Variants in RFTN2 observed in about 807,000 individuals in gnomAD.
RFTN2 encodes the protein raftlin family member 2.
RFTN2 carries 34 observed loss-of-function variants against 52.7 expected under a neutral mutation model. The ratio of observed to expected loss-of-function variants is 0.64; its 90% CI spans 0.49 to 0.86. The LOEUF (loss-of-function observed/expected upper bound fraction) is 0.86, where lower values mean the gene tolerates loss of function less well. RFTN2 is among the 40% of genes least tolerant of loss of function. RFTN2 has a pLI of 0.00. For synonymous variants in RFTN2, 203 were observed against 217.7 expected (o/e 0.93, Z 0.59); for missense variants, 536 against 600.1 (o/e 0.89, Z 1.12).
intron 8 of RFTN2, among the ~76,000 whole-genome samples, chr2:197,578,869 C>T (rs183103595): frequency 1.4e-3 from 208 of 152,308 alleles, no homozygotes; most frequent in South Asian, 2.7e-3. Flanking sequence ...CCATCTACAA[C>T]CTTGGGTCCT....
intron 5 of RFTN2, among the ~76,000 whole-genome samples, chr2:197,627,606 A>C (rs1231604839): frequency 6.6e-6 from 1 of 152,220 alleles, no homozygotes; most frequent in African/African-American, 2.4e-5. Flanking sequence ...TAACAAGTGA[A>C]GTCTGAAAAG....
chr2:197,656,272 C>T (rs533170384), intron 1 of RFTN2, among the ~76,000 whole-genome samples: 59 of 152,278 alleles, frequency 3.9e-4, no homozygotes, highest in African/African-American at 1.3e-3. Context: ...AAGTGCTCTA[C>T]AACCATTGGT....
intron 3 of RFTN2, 30 bp from the exon 4 acceptor site, chr2:197,634,027 A>G (rs1175050637): frequency 1.9e-6 from 3 of 1,561,528 alleles, no homozygotes; most frequent in Non-Finnish European, 2.6e-6. Context: ...GGCAGAACAA[A>G]ATGTAAACTC....
intron 5 of RFTN2, among the ~76,000 whole-genome samples, chr2:197,620,914 C>T (rs1430745165): frequency 7.2e-5 from 11 of 152,104 alleles, no homozygotes; most frequent in African/African-American, 2.2e-4. Flanking sequence ...TGCGGTGAGC[C>T]GAGATCGTGC....
Position 197,620,438 on chromosome 2 carries a change from A to G in RFTN2, c.929-2517T>C, listed in dbSNP as rs541070963. 4.9e-4 allele frequency among the ~76,000 whole-genome samples: 75 copies of G among 152,324 alleles called. 1 individual carries two copies. In the South Asian group the frequency reaches 0.012, roughly 24 times the overall value. On this transcript the variant is annotated intron_variant, in intron 5 of 8. Coordinates refer to ENST00000295049, the MANE Select transcript of RFTN2 (RefSeq NM_144629.3). ...CGGTTTTTGTGTAGCACAATGTCAC[A>G]TTAAAGTTTCCCTGGTTGACAGCTC...
At position 197,569,902 on chromosome 2, in the gene RFTN2, C is replaced by A. The variant is rs922186379; in HGVS notation, c.*2106G>T. On this transcript the variant is annotated 3_prime_UTR_variant, in exon 9 of 9. Transcript: ENST00000295049. ...AGGTTGCAGTAAGCCGAGATTGCAGCCTGGGTGACAGAGTGAGGCTCTGTC... is the reference window on the plus strand; with the variant it reads ...AGGTTGCAGTAAGCCGAGATTGCAGACTGGGTGACAGAGTGAGGCTCTGTC... 2.8e-5 allele frequency: 4 copies of A among 141,896 alleles called. No homozygotes were observed. Among genetic ancestry groups the A allele is most frequent in the Non-Finnish European group, 6.0e-5 (4 of 66,804 alleles). The allele number at this position is 141,896 out of a possible 1,614,324, so 8.8% of individuals were successfully genotyped here.
At chr2:197,645,606 A>G (rs1310296116) in intron 2 of RFTN2, among the ~76,000 whole-genome samples, 1 of 152,242 alleles carries the variant, frequency 6.6e-6, no homozygotes, top group Non-Finnish European at 1.5e-5. Context: ...TATTGTTTGG[A>G]AAAGTAGCTA....
chr2:197,599,038 G>A (rs2106191024), intron 7 of RFTN2, among the ~76,000 whole-genome samples: 1 of 151,354 alleles, frequency 6.6e-6, no homozygotes. Context: ...TGCAAGCTCC[G>A]CCTCCCGGGT....
At chr2:197,632,729 C>G (rs1346446556) in intron 4 of RFTN2, among the ~76,000 whole-genome samples, 1 of 152,122 alleles carries the variant, frequency 6.6e-6, no homozygotes, top group Non-Finnish European at 1.5e-5. Flanking sequence ...TTGGTAAATG[C>G]TCCCAGTTAT....
chr2:197,672,270 A>G (rs2089157204), intron 1 of RFTN2, among the ~76,000 whole-genome samples: 1 of 152,210 alleles, frequency 6.6e-6, no homozygotes, highest in Non-Finnish European at 1.5e-5. Context: ...TATTTCTTTT[A>G]TAGTACCTAA....
intron 5 of RFTN2, among the ~76,000 whole-genome samples, chr2:197,626,037 C>A (rs1164176474): frequency 1.3e-5 from 2 of 152,154 alleles, no homozygotes; most frequent in Non-Finnish European, 2.9e-5. Flanking sequence ...GATCCACCTG[C>A]CTTGGCCTCC....
intron 1 of RFTN2, among the ~76,000 whole-genome samples, chr2:197,648,677 T>C (rs1307255880): frequency 1.3e-5 from 2 of 152,216 alleles, no homozygotes; most frequent in Admixed American, 6.5e-5. Context: ...AATGTCTTAG[T>C]GTAATACAAA....
At chr2:197,573,143 A>C (rs1198031040) in intron 8 of RFTN2, among the ~76,000 whole-genome samples, 1 of 152,078 alleles carries the variant, frequency 6.6e-6, no homozygotes, top group Non-Finnish European at 1.5e-5. Flanking sequence ...AAAAATGTAG[A>C]AGCGACTTTG....
At chr2:197,642,471 A>G (rs182974134) in intron 3 of RFTN2, among the ~76,000 whole-genome samples, 4 of 152,374 alleles carry the variant, frequency 2.6e-5, no homozygotes, top group Admixed American at 2.6e-4. Context: ...GTTATATTGT[A>G]TAGACTTTTC....
intron 5 of RFTN2, among the ~76,000 whole-genome samples, chr2:197,630,526 T>C (rs1446608223): frequency 6.6e-6 from 1 of 152,162 alleles, no homozygotes; most frequent in African/African-American, 2.4e-5. Context: ...AAAGACAAGG[T>C]GAAGACAGAA....
intron 7 of RFTN2, among the ~76,000 whole-genome samples, chr2:197,605,758 C>T (rs2087951940): frequency 6.6e-6 from 1 of 152,148 alleles, no homozygotes; most frequent in Admixed American, 6.5e-5. Context: ...GCGTTCCAGG[C>T]AGCCACTACC....
intron 8 of RFTN2, among the ~76,000 whole-genome samples, chr2:197,587,794 AAAT>A (rs2087626037): frequency 6.6e-6 from 1 of 152,218 alleles, no homozygotes; most frequent in Non-Finnish European, 1.5e-5. Context: ...ATTTCACATT[AAAT>A]AATAACATTT....
chr2:197,613,830 G>A (rs1434949577), intron 7 of RFTN2, among the ~76,000 whole-genome samples: 1 of 152,198 alleles, frequency 6.6e-6, no homozygotes, highest in Non-Finnish European at 1.5e-5. Flanking sequence ...CAAAAGAAGA[G>A]TAGACATTGA....
At chr2:197,622,896 C>T (rs6727012) in intron 5 of RFTN2, among the ~76,000 whole-genome samples, 1 of 152,156 alleles carries the variant, frequency 6.6e-6, no homozygotes, top group African/African-American at 2.4e-5. Flanking sequence ...GCAAGGGTTA[C>T]TGAATATTTT....
Sources: gnomAD v4.1 joint callset for allele counts (sites outside exome capture counted in the v4.1 genomes callset) on GRCh38, gnomAD v4.1.1 for gene constraint, MANE v1.5 for transcripts, NCBI Gene and HGNC (gene_info 2026-07-23, HGNC 2026-07-21) for gene names.